The following DLAT variants were observed in gnomAD, a reference collection of about 807,000 sequenced individuals.
DLAT encodes the protein dihydrolipoamide S-acetyltransferase.
A neutral mutation model predicts 68.0 loss-of-function variants in DLAT; 43 were observed. The ratio of observed to expected loss-of-function variants is 0.63; its 90% CI spans 0.50 to 0.81. The LOEUF is 0.81. Among genes scored for constraint, DLAT ranks in the 40% least tolerant of loss-of-function variants. The pLI is 0.00. For missense variants in DLAT, 745 were observed against 815.4 expected (o/e 0.91, Z 1.05); for synonymous variants, 265 against 288.6 (o/e 0.92, Z 0.83).
intron 7 of DLAT, among the ~76,000 whole-genome samples, chr11:112,043,072 G>C (rs959941111): frequency 3.3e-5 from 5 of 152,230 alleles, no homozygotes; most frequent in Non-Finnish European, 7.3e-5. Flanking sequence ...AGCTAACCAG[G>C]AGGAGGCAGC....
rs782406363 is a variant in DLAT, at chr11:112,026,296, A to G, written c.378A>G (p.Ala126=). 4 of 1,492,320 alleles carry G rather than the reference A, an allele frequency of 2.7e-6. No homozygotes were observed. The East Asian group carries it at 7.2e-5, about 27-fold the overall frequency. The allele number at this position is 1,492,320 out of a possible 1,614,324, so 92.4% of individuals were successfully genotyped here. A position where few individuals can be genotyped will look rare whatever the true frequency, so the allele number is the denominator to read the frequency against. Residue 126 remains alanine (A), a synonymous_variant, in exon 2 of 14, where the codon GCA becomes GCG. Coordinates refer to ENST00000280346, the MANE Select transcript of DLAT (RefSeq NM_001931.5). ...AAATCAATGAAGGTGACCTAATTGCAGAGGTAAGTTTTTTTTTTTTTTTTT... is the reference window on the plus strand; with the variant it reads ...AAATCAATGAAGGTGACCTAATTGCGGAGGTAAGTTTTTTTTTTTTTTTTT... ...GDKINEGDLI[A]EVETDKATVG... is the part of the protein sequence containing the mutation.
intron 4 of DLAT, among the ~76,000 whole-genome samples, chr11:112,029,289 G>C (rs1555179756): frequency 6.6e-6 from 1 of 152,140 alleles, no homozygotes; most frequent in African/African-American, 2.4e-5. Flanking sequence ...GTGTTAGTCT[G>C]TTTTACTTTG....
chr11:112,061,330 A>G (rs782150524), intron 13 of DLAT, 156 bp downstream of exon 13: 37 of 745,484 alleles, frequency 5.0e-5, no homozygotes, highest in Non-Finnish European at 7.9e-5. Context: ...ATATTTGCAT[A>G]TAACCTACAC....
intron 11 of DLAT, 92 bp from the exon 12 acceptor site, chr11:112,059,811 T>A (rs1212298762): frequency 5.1e-6 from 6 of 1,178,510 alleles, no homozygotes; most frequent in Middle Eastern, 2.8e-4. Flanking sequence ...GTTCAAAAAA[T>A]TTTTGAAGTA....
At chr11:112,036,363 G>A (rs1242459154) in intron 5 of DLAT, among the ~76,000 whole-genome samples, 50 of 144,850 alleles carry the variant, frequency 3.5e-4, no homozygotes, top group South Asian at 6.6e-4. Context: ...ACAGGCATGC[G>A]CCACCATGCC....
intron 5 of DLAT, among the ~76,000 whole-genome samples, chr11:112,034,808 C>G (rs1308436979): frequency 3.3e-5 from 5 of 149,428 alleles, no homozygotes; most frequent in African/African-American, 7.4e-5. Context: ...GAGTTTTGCT[C>G]TGTCACCCAG....
intron 5 of DLAT, among the ~76,000 whole-genome samples, chr11:112,034,275 A>AG (rs1339662860): frequency 1.3e-5 from 2 of 152,158 alleles, no homozygotes; most frequent in Admixed American, 6.5e-5. Flanking sequence ...GATGACTTTG[A>AG]GGGAAAACTG....
chr11:112,029,748 C>T (rs1225913717), intron 4 of DLAT: 4 of 404,506 alleles, frequency 9.9e-6, no homozygotes, highest in Non-Finnish European at 1.9e-5. Context: ...CAGCAGCAGG[C>T]AGGGAAGCAA....
intron 1 of DLAT, 138 bp downstream of exon 1, chr11:112,025,889 C>G: frequency 8.6e-7 from 1 of 1,166,838 alleles, no homozygotes; most frequent in Non-Finnish European, 1.2e-6. Flanking sequence ...CAATAGTTGG[C>G]TTTGCTGTAG....
Position 112,037,447 on chromosome 11 carries a change from C to G in DLAT, c.962C>G (p.Pro321Arg). Residue 321 changes from proline to arginine, a missense_variant, in exon 6 of 14, where the codon CCT becomes CGT. By Grantham distance (103) the Pro-to-Arg change is moderately radical. Coordinates refer to ENST00000280346, the MANE Select transcript of DLAT (RefSeq NM_001931.5). ...GATTTAAAACCACAAGTGCCACCAC[C>G]TACCCCACCCCCGGTAGGTATGCTT... is the stretch of plus-strand genomic sequence containing the variant. ...VTDLKPQVPP[P>R]TPPPVAAVPP... 1 of 1,613,882 alleles carries G rather than the reference C, an allele frequency of 6.2e-7. No homozygotes were observed. Among genetic ancestry groups the G allele is most frequent in the Non-Finnish European group, 8.5e-7 (1 of 1,179,746 alleles).
In DLAT at chr11:112,039,379, G is replaced by T; in HGVS notation, c.1111G>T (p.Asp371Tyr). 1 of 1,614,064 alleles carries T rather than the reference G, an allele frequency of 6.2e-7. No individual in the cohort carries two copies. The highest frequency in any genetic ancestry group is 8.5e-7 in the Non-Finnish European group (1 of 1,179,964). The change falls in exon 7 of 14, where the codon GAT (aspartate) becomes TAT (tyrosine). Residue 371 changes from aspartate (D) to tyrosine (Y), a missense_variant. Transcript: ENST00000280346. ...GAAGTTGGCAGTAGAGAAAGGGATT[G>T]ATCTTACACAAGTAAAAGGTAAATC... ...AKKLAVEKGI[D>Y]LTQVKGTGPD...
intron 2 of DLAT, among the ~76,000 whole-genome samples, chr11:112,026,617 G>A (rs1458648906): frequency 1.3e-5 from 2 of 152,198 alleles, no homozygotes; most frequent in African/African-American, 2.4e-5. Flanking sequence ...CACAGCACAT[G>A]TTTCAGAGAG....
chr11:112,032,375 A>T (rs1323443647), intron 4 of DLAT: 2 of 152,152 alleles, frequency 1.3e-5, no homozygotes, highest in Non-Finnish European at 2.9e-5. Flanking sequence ...GGCTAGATTG[A>T]GCTAATTTAT....
intron 7 of DLAT, among the ~76,000 whole-genome samples, chr11:112,041,621 G>A (rs868926800): frequency 6.6e-6 from 1 of 152,202 alleles, no homozygotes; most frequent in Non-Finnish European, 1.5e-5. Flanking sequence ...AATGGCTCAC[G>A]CCTGTAATCC....
rs782677556 is a variant in DLAT at position 112,028,847 on chromosome 11, A to G, written c.562A>G (p.Thr188Ala). ...NYTLDSSAAP[T>A]PQAAPAPTPA... ...TACACTGGATTCCTCAGCAGCACCT[A>G]CCCCACAAGCGGCCCCAGCACCAAC... Residue 188 changes from threonine to alanine, a missense_variant, in exon 4 of 14, where the codon ACC becomes GCC. By Grantham distance (58) the Thr-to-Ala change is moderately conservative (BLOSUM62 0). Transcript: ENST00000280346. 6.2e-7 allele frequency: 1 copy of G among 1,614,058 alleles called. No individual in the cohort carries two copies.
chr11:112,056,035 T>A (rs1864043045), intron 11 of DLAT, among the ~76,000 whole-genome samples: 1 of 151,344 alleles, frequency 6.6e-6, no homozygotes, highest in Non-Finnish European at 1.5e-5. Context: ...ACCCAGCTAA[T>A]TTTTGTATTT....
In DLAT at chr11:112,062,560, C is replaced by A; in HGVS notation, c.*25C>A. On this transcript the variant is annotated 3_prime_UTR_variant, in exon 14 of 14. Transcript: ENST00000280346. ...ACTAACTCAAGAATTTCTAAACTCTCCCAGGTCACACTGATTCATTCTTAA... is the reference window on the plus strand; with the variant it reads ...ACTAACTCAAGAATTTCTAAACTCTACCAGGTCACACTGATTCATTCTTAA... The A allele has an allele frequency of 6.2e-7, 1 of 1,610,640 alleles. No individual in the cohort carries two copies. The highest frequency in any genetic ancestry group is 8.5e-7 in the Non-Finnish European group (1 of 1,178,758).
intron 4 of DLAT, chr11:112,029,996 G>C: frequency 9.6e-7 from 1 of 1,039,204 alleles, no homozygotes. Flanking sequence ...AGGTGATAAA[G>C]AACTGACAGC....
intron 11 of DLAT, among the ~76,000 whole-genome samples, chr11:112,058,669 A>G (rs1289868325): frequency 6.7e-6 from 1 of 148,734 alleles, no homozygotes; most frequent in Non-Finnish European, 1.5e-5. Context: ...AACATTTAGC[A>G]TTTCTTCCTT....
Sources: gnomAD v4.1 joint callset for allele counts (sites outside exome capture counted in the v4.1 genomes callset) on GRCh38, gnomAD v4.1.1 for gene constraint, MANE v1.5 for transcripts, NCBI Gene and HGNC (gene_info 2026-07-23, HGNC 2026-07-21) for gene names.